The following MUSK variants were observed in gnomAD, a reference collection of about 807,000 sequenced individuals.
The protein encoded by MUSK is muscle, skeletal receptor tyrosine-protein kinase.
In MUSK, 55 loss-of-function variants were observed where a neutral mutation model predicts 88.7. That is an observed-to-expected ratio of 0.62 (90% CI 0.50 to 0.78). The LOEUF is 0.78. Ranked by LOEUF, MUSK falls within the 30% of genes least tolerant of loss-of-function variation. The pLI is 0.00. For synonymous variants in MUSK, 387 were observed against 391.9 expected (o/e 0.99, Z 0.15); for missense variants, 1,015 against 1,074.3 (o/e 0.94, Z 0.77).
At chr9:110,746,492 C>T (rs889501570) in intron 6 of MUSK, among the ~76,000 whole-genome samples, 4 of 152,192 alleles carry the variant, frequency 2.6e-5, no homozygotes, top group Non-Finnish European at 2.9e-5. Context: ...GTGTCAGACA[C>T]GCTAGGATGC....
intron 14 of MUSK, 45 bp from the exon 15 acceptor site, chr9:110,800,261 T>C (rs756740416): frequency 1.3e-6 from 2 of 1,534,628 alleles, no homozygotes; most frequent in Non-Finnish European, 1.8e-6. Flanking sequence ...TTCCATTGTT[T>C]CATTGTAGAA....
intron 9 of MUSK, among the ~76,000 whole-genome samples, chr9:110,768,468 C>G (rs1014066172): frequency 6.6e-6 from 1 of 152,154 alleles, no homozygotes; most frequent in African/African-American, 2.4e-5. Flanking sequence ...TGCACTCCAG[C>G]CTGAGTGTTG....
intron 12 of MUSK, 60 bp from the exon 13 acceptor site, chr9:110,785,467 A>G: frequency 7.5e-7 from 1 of 1,335,352 alleles, no homozygotes; most frequent in African/African-American, 1.5e-5. Context: ...ATCTAAGTCT[A>G]AGTACAAAGA....
chr9:110,695,537 G>C lies in MUSK; in HGVS notation c.486+7G>C, dbSNP rs187497836. 364 of 1,542,740 alleles carry C rather than the reference G, an allele frequency of 2.4e-4. 3 individuals are homozygous for C. In the African/African-American group the frequency reaches 4.4e-3, roughly 19 times the overall value. On this transcript the variant is annotated splice_region_variant and intron_variant, in intron 4 of 14. Coordinates refer to ENST00000374448, the MANE Select transcript of MUSK (RefSeq NM_005592.4). ...GGGAGACAGCCCTCTCAGGGTAAGTGGTTATGATGTTAAAACACATATATA... is the reference window on the plus strand; with the variant it reads ...GGGAGACAGCCCTCTCAGGGTAAGTCGTTATGATGTTAAAACACATATATA...
intron 5 of MUSK, among the ~76,000 whole-genome samples, chr9:110,718,366 A>G (rs936967653): frequency 1.3e-5 from 2 of 152,026 alleles, no homozygotes; most frequent in Non-Finnish European, 2.9e-5. Flanking sequence ...GAGCAGAGGA[A>G]CTATACTCTA....
At chr9:110,774,827 GGA>G (rs1356124811) in intron 9 of MUSK, among the ~76,000 whole-genome samples, 1 of 150,374 alleles carries the variant, frequency 6.7e-6, no homozygotes, top group Admixed American at 6.7e-5. Context: ...TAGGAGTGTG[GGA>G]ATAAGTATGA....
chr9:110,685,777 T>C (rs1482812147), intron 2 of MUSK, among the ~76,000 whole-genome samples: 2 of 152,168 alleles, frequency 1.3e-5, no homozygotes, highest in African/African-American at 4.8e-5. Flanking sequence ...CTCTCTTCCT[T>C]CCAATTCCTC....
rs920245899 is a variant in MUSK, at chr9:110,805,953, C to A, written c.*4965C>A. 1.3e-5 allele frequency among the ~76,000 whole-genome samples: 2 copies of A among 151,758 alleles called. No homozygotes were observed. The highest frequency in any genetic ancestry group is 2.9e-5 in the Non-Finnish European group (2 of 67,892). On this transcript the variant is annotated 3_prime_UTR_variant, in exon 15 of 15. Transcript: ENST00000374448. Reference sequence around the variant, plus strand: ...AAACTCAGGAGTTTTTCTCTATAATCTTGGTTAGTTTATTTTTAAATAATT... The same window carrying A: ...AAACTCAGGAGTTTTTCTCTATAATATTGGTTAGTTTATTTTTAAATAATT...
In MUSK at chr9:110,802,573, A is replaced by T. The variant is rs77672551; in HGVS notation, c.*1585A>T. On this transcript the variant is annotated 3_prime_UTR_variant, in exon 15 of 15. Transcript: ENST00000374448. ...GTGGGAAACCTGCCATTTCTTATTC[A>T]TAGTGTCTCCAGGCAACCAAGACAA... Among the ~76,000 whole-genome samples the T allele has an allele frequency of 6.6e-6, 1 of 152,168 alleles. No individual in the cohort carries two copies. Among genetic ancestry groups the T allele is most frequent in the East Asian group, 1.9e-4 (1 of 5,188 alleles).
chr9:110,696,491 G>A (rs1182474845), intron 4 of MUSK, among the ~76,000 whole-genome samples: 3 of 151,980 alleles, frequency 2.0e-5, no homozygotes, highest in Non-Finnish European at 4.4e-5. Context: ...CTGAACTAAG[G>A]TATAAAATTG....
chr9:110,731,274 T>C (rs2076959921), intron 5 of MUSK, among the ~76,000 whole-genome samples: 1 of 151,914 alleles, frequency 6.6e-6, no homozygotes. Context: ...GAGGAGAGAC[T>C]GACAAAAAAC....
At chr9:110,706,846 A>G (rs2076605919) in intron 5 of MUSK, among the ~76,000 whole-genome samples, 1 of 152,138 alleles carries the variant, frequency 6.6e-6, no homozygotes, top group African/African-American at 2.4e-5. Context: ...TCTACTAAAA[A>G]TACAAAAATT....
At chr9:110,790,844 G>A (rs976503443) in intron 14 of MUSK, among the ~76,000 whole-genome samples, 2 of 152,278 alleles carry the variant, frequency 1.3e-5, no homozygotes, top group Admixed American at 6.5e-5. Context: ...CATGAGACTG[G>A]TCAGCATGGT....
intron 5 of MUSK, among the ~76,000 whole-genome samples, chr9:110,729,234 A>G (rs2076930300): frequency 6.7e-6 from 1 of 149,684 alleles, no homozygotes; most frequent in African/African-American, 2.5e-5. Context: ...GTAGTGGAAT[A>G]TGTTTAGAGG....
rs935558769 is a variant in MUSK at position 110,804,029 on chromosome 9, G to A, written c.*3041G>A. On this transcript the variant is annotated 3_prime_UTR_variant, in exon 15 of 15. Coordinates refer to ENST00000374448, the MANE Select transcript of MUSK (RefSeq NM_005592.4). Reference sequence around the variant, plus strand: ...ACCCAAAAACATATTCTCTGCTATCGTGGTAGAGCAGAAAAAGAACACTTT... The same window carrying A: ...ACCCAAAAACATATTCTCTGCTATCATGGTAGAGCAGAAAAAGAACACTTT... 4.6e-5 allele frequency among the ~76,000 whole-genome samples: 7 copies of A among 152,116 alleles called. No individual in the cohort carries two copies. Among genetic ancestry groups the A allele is most frequent in the South Asian group, 2.1e-4 (1 of 4,818 alleles).
chr9:110,689,529 A>ATT, intron 3 of MUSK, among the ~76,000 whole-genome samples: 1 of 80,654 alleles, frequency 1.2e-5, no homozygotes, highest in African/African-American at 7.0e-5. Flanking sequence ...ATACAACTAT[A>ATT]TATAAATATA....
At position 110,739,658 on chromosome 9, in the gene MUSK, T is replaced by G. The variant is rs139281882; in HGVS notation, c.753+5283T>G. Among the ~76,000 whole-genome samples the G allele has an allele frequency of 9.2e-5, 14 of 152,276 alleles. No individual in the cohort carries two copies. The East Asian group carries it at 2.1e-3, about 23-fold the overall frequency. ...AGGCCAGACCTTTCTTTGGAATGTG[T>G]AGGGTTTGAGCACCTCGAGCCCATT... On this transcript the variant is annotated intron_variant, in intron 6 of 14. Transcript: ENST00000374448.
intron 6 of MUSK, among the ~76,000 whole-genome samples, chr9:110,743,154 G>A (rs1437503076): frequency 6.6e-6 from 1 of 152,170 alleles, no homozygotes; most frequent in Admixed American, 6.5e-5. Flanking sequence ...CAGTACAATG[G>A]GTACTCTGAA....
rs1032939402 is a variant in MUSK at position 110,731,815 on chromosome 9, C to T, written c.629-2436C>T. Among the ~76,000 whole-genome samples the T allele has an allele frequency of 3.9e-5, 6 of 152,022 alleles. No individual in the cohort carries two copies. The South Asian group carries it at 1.2e-3, about 32-fold the overall frequency. On this transcript the variant is annotated intron_variant, in intron 5 of 14. Coordinates refer to ENST00000374448, the MANE Select transcript of MUSK (RefSeq NM_005592.4). The stretch of plus-strand genomic sequence containing the variant: ...CGTTGAATTGACTCTGTTTTATTTA[C>T]CATACCACACTATGCTTAGTTGTGT...
Sources: gnomAD v4.1 joint callset for allele counts (sites outside exome capture counted in the v4.1 genomes callset) on GRCh38, gnomAD v4.1.1 for gene constraint, MANE v1.5 for transcripts, NCBI Gene and HGNC (gene_info 2026-07-23, HGNC 2026-07-21) for gene names.